The following MAPK10 variants were observed in gnomAD, a reference collection of about 807,000 sequenced individuals.
MAPK10 encodes the protein mitogen-activated protein kinase 10.
MAPK10 carries 25 observed loss-of-function variants against 59.3 expected under a neutral mutation model. The ratio of observed to expected loss-of-function variants is 0.42; its 90% CI spans 0.31 to 0.59. MAPK10 has a LOEUF of 0.59. MAPK10 is among the 20% of genes least tolerant of loss of function. The pLI is 0.15. For missense variants in MAPK10, 351 were observed against 568.9 expected (o/e 0.62, Z 3.90); for synonymous variants, 190 against 200.5 (o/e 0.95, Z 0.44).
intron 1 of MAPK10, among the ~76,000 whole-genome samples, chr4:86,446,687 C>T (rs1465345556): frequency 6.6e-6 from 1 of 152,104 alleles, no homozygotes; most frequent in Admixed American, 6.5e-5. Flanking sequence ...CTCCCACCAG[C>T]AGTTCTTGAT....
chr4:86,252,498 T>C (rs1213832781), intron 2 of MAPK10, among the ~76,000 whole-genome samples: 2 of 143,816 alleles, frequency 1.4e-5, no homozygotes, highest in African/African-American at 5.5e-5. Flanking sequence ...TGCGGCGTTA[T>C]TTCCGAGGGC....
chr4:86,318,491 ATAGATT>A (rs1306915085), intron 2 of MAPK10, among the ~76,000 whole-genome samples: 3 of 152,314 alleles, frequency 2.0e-5, no homozygotes, highest in South Asian at 4.1e-4. Flanking sequence ...GTTTTAAAGT[ATAGATT>A]TAAACACTTC....
chr4:86,067,711 C>T, intron 10 of MAPK10, 62 bp downstream of exon 10: 1 of 1,378,096 alleles, frequency 7.3e-7, no homozygotes, highest in Non-Finnish European at 1.0e-6. Flanking sequence ...GGTCTCTATA[C>T]TGTGTGCTTG....
At chr4:86,338,321 T>C (rs2148931614) in intron 2 of MAPK10, among the ~76,000 whole-genome samples, 1 of 152,360 alleles carries the variant, frequency 6.6e-6, no homozygotes, top group Non-Finnish European at 1.5e-5. Flanking sequence ...AACCCTCATA[T>C]GAACTCCCTA....
At chr4:86,478,211 G>A (rs1348070711) in intron 1 of MAPK10, among the ~76,000 whole-genome samples, 1 of 152,056 alleles carries the variant, frequency 6.6e-6, no homozygotes, top group South Asian at 2.1e-4. Context: ...AGCTGACCCC[G>A]TAGATCCTAA....
At chr4:86,147,967 T>C (rs1057005002) in intron 4 of MAPK10, among the ~76,000 whole-genome samples, 4 of 152,198 alleles carry the variant, frequency 2.6e-5, no homozygotes, top group Admixed American at 2.6e-4. Flanking sequence ...ATTTATCTGA[T>C]ACATACTATA....
At chr4:86,138,655 T>A (rs2062822576) in intron 4 of MAPK10, among the ~76,000 whole-genome samples, 2 of 149,362 alleles carry the variant, frequency 1.3e-5, no homozygotes, top group Non-Finnish European at 3.0e-5. Context: ...TCACCACTCC[T>A]ATTCAACATA....
At chr4:86,207,580 G>C (rs1451365253) in intron 2 of MAPK10, among the ~76,000 whole-genome samples, 4 of 152,058 alleles carry the variant, frequency 2.6e-5, no homozygotes, top group Admixed American at 2.6e-4. Context: ...CCAATTCTCT[G>C]AAGAAAGTCA....
At chr4:86,158,616 T>C (rs963997736) in intron 4 of MAPK10, among the ~76,000 whole-genome samples, 7 of 151,952 alleles carry the variant, frequency 4.6e-5, no homozygotes, top group Non-Finnish European at 7.4e-5. Flanking sequence ...TAAGTTTATA[T>C]TAAATACATT....
At chr4:86,410,501 G>T (rs927423793) in intron 1 of MAPK10, among the ~76,000 whole-genome samples, 5 of 152,094 alleles carry the variant, frequency 3.3e-5, no homozygotes, top group Non-Finnish European at 7.4e-5. Context: ...TTGTACCTCT[G>T]GTAGAATTCG....
chr4:86,422,835 G>A (rs1289672421), intron 1 of MAPK10, among the ~76,000 whole-genome samples: 3 of 152,126 alleles, frequency 2.0e-5, no homozygotes, highest in Non-Finnish European at 4.4e-5. Context: ...AACGAAAAGT[G>A]GAAAATCGTA....
intron 2 of MAPK10, among the ~76,000 whole-genome samples, chr4:86,236,381 G>A (rs916043365): frequency 6.6e-6 from 1 of 152,176 alleles, no homozygotes; most frequent in Non-Finnish European, 1.5e-5. Flanking sequence ...ATGAGTAGAT[G>A]TTAGCTAACT....
chr4:86,474,277 T>C (rs906415373), intron 1 of MAPK10, among the ~76,000 whole-genome samples: 12 of 152,214 alleles, frequency 7.9e-5, no homozygotes, highest in African/African-American at 2.9e-4. Context: ...GTTCTAAAAG[T>C]TATTGGGAGC....
chr4:86,373,938 A>C (rs1739338747), intron 1 of MAPK10, among the ~76,000 whole-genome samples: 1 of 152,220 alleles, frequency 6.6e-6, no homozygotes, highest in African/African-American at 2.4e-5. Flanking sequence ...TCATTCTACT[A>C]TAAAGACACA....
chr4:86,208,205 T>C (rs905392530), intron 2 of MAPK10, among the ~76,000 whole-genome samples: 9 of 151,750 alleles, frequency 5.9e-5, no homozygotes, highest in East Asian at 3.9e-4. Context: ...TTCCAATCAA[T>C]AGAAAAAGAG....
At chr4:86,416,856 T>C (rs1319216129) in intron 1 of MAPK10, among the ~76,000 whole-genome samples, 1 of 152,192 alleles carries the variant, frequency 6.6e-6, no homozygotes, top group Non-Finnish European at 1.5e-5. Flanking sequence ...CATGGAACAC[T>C]GGGACCATGT....
intron 2 of MAPK10, among the ~76,000 whole-genome samples, chr4:86,309,553 C>T (rs116512899): frequency 0.015 from 2,347 of 152,230 alleles, 33 homozygotes; most frequent in Non-Finnish European, 0.023. Flanking sequence ...ACAACTGGGG[C>T]TTTTTCCATT....
chr4:86,231,083 A>G (rs1277076748), intron 2 of MAPK10, among the ~76,000 whole-genome samples: 1 of 152,234 alleles, frequency 6.6e-6, no homozygotes, highest in African/African-American at 2.4e-5. Context: ...CAAGAAAGTG[A>G]AAATGCAAGG....
intron 13 of MAPK10, chr4:86,020,602 C>G (rs1483414465): frequency 1.3e-5 from 2 of 159,356 alleles, no homozygotes; most frequent in East Asian, 3.6e-4. Context: ...TAAGGTGGCG[C>G]GTCTGGAGTC....
Sources: gnomAD v4.1 joint callset for allele counts (sites outside exome capture counted in the v4.1 genomes callset) on GRCh38, gnomAD v4.1.1 for gene constraint, MANE v1.5 for transcripts, NCBI Gene and HGNC (gene_info 2026-07-23, HGNC 2026-07-21) for gene names.